OSBPL8: variants seen among roughly 807,000 people sequenced by gnomAD.
OSBPL8 encodes oxysterol binding protein like 8.
In OSBPL8, 59 loss-of-function variants were observed where a neutral mutation model predicts 125.5. That is an observed-to-expected ratio of 0.47 (90% CI 0.38 to 0.58). OSBPL8 has a LOEUF of 0.58. Ranked by LOEUF, OSBPL8 falls within the 20% of genes least tolerant of loss-of-function variation. The probability of loss-of-function intolerance (pLI) is 0.00; values close to 1 mark genes in which losing one functional copy is unlikely to be tolerated. For missense variants in OSBPL8, 758 were observed against 1,047.8 expected (o/e 0.72, Z 3.82); for synonymous variants, 330 against 338.9 (o/e 0.97, Z 0.29).
intron 1 of OSBPL8, among the ~76,000 whole-genome samples, chr12:76,487,975 G>A (rs1878332981): frequency 6.6e-6 from 1 of 152,162 alleles, no homozygotes; most frequent in Non-Finnish European, 1.5e-5. Context: ...AGAATGTGGG[G>A]AAACAGATAT....
At chr12:76,478,689 G>A (rs955990489) in intron 2 of OSBPL8, among the ~76,000 whole-genome samples, 1 of 151,622 alleles carries the variant, frequency 6.6e-6, no homozygotes, top group Non-Finnish European at 1.5e-5. Context: ...TCACACAATA[G>A]GTAATACTGA....
At chr12:76,362,502 CAAT>C (rs766514020) in intron 21 of OSBPL8, among the ~76,000 whole-genome samples, 3 of 152,144 alleles carry the variant, frequency 2.0e-5, no homozygotes, top group South Asian at 2.1e-4. Context: ...TAAAAACTCT[CAAT>C]AAAGTAGTTA....
At chr12:76,489,575 G>A (rs531009535) in intron 1 of OSBPL8, among the ~76,000 whole-genome samples, 3 of 152,272 alleles carry the variant, frequency 2.0e-5, no homozygotes, top group African/African-American at 4.8e-5. Flanking sequence ...TTTACAGCAT[G>A]GTTTACTAAA....
chr12:76,509,350 T>C (rs1455178164), intron 1 of OSBPL8, among the ~76,000 whole-genome samples: 1 of 152,204 alleles, frequency 6.6e-6, no homozygotes, highest in East Asian at 1.9e-4. Flanking sequence ...ATGCCTGTTG[T>C]TAAGTGACCC....
At chr12:76,373,284 G>GAT in intron 18 of OSBPL8, 60 bp downstream of exon 18, 1 of 797,540 alleles carries the variant, frequency 1.3e-6, no homozygotes, top group Non-Finnish European at 1.8e-6. Flanking sequence ...TTTTAAATGT[G>GAT]ATTTTTTTTT....
At chr12:76,372,100 G>A (rs553083666) in intron 18 of OSBPL8, among the ~76,000 whole-genome samples, 1 of 152,074 alleles carries the variant, frequency 6.6e-6, no homozygotes, top group African/African-American at 2.4e-5. Flanking sequence ...GAGTGCAGCG[G>A]TGCTATCTAC....
At chr12:76,428,193 T>C (rs886124325) in intron 4 of OSBPL8, among the ~76,000 whole-genome samples, 2 of 152,022 alleles carry the variant, frequency 1.3e-5, no homozygotes, top group Admixed American at 1.3e-4. Flanking sequence ...TAGTGGCTCT[T>C]TCCATTTGAA....
intron 1 of OSBPL8, among the ~76,000 whole-genome samples, chr12:76,527,409 T>C (rs909377339): frequency 5.3e-5 from 8 of 152,126 alleles, no homozygotes; most frequent in African/African-American, 1.4e-4. Flanking sequence ...TCAGTTCAAG[T>C]AGGAAACCAA....
Position 76,384,196 on chromosome 12 carries a change from G to T in OSBPL8, c.1630+58C>A, listed in dbSNP as rs145906805. On this transcript the variant is annotated intron_variant, in intron 15 of 23. Transcript: ENST00000261183. The stretch of plus-strand genomic sequence containing the variant: ...AGCCCATGACACTGCCTAAATAAAA[G>T]CTCACCAGAAAATAATACCTCCCAG... 4.2e-4 allele frequency: 426 copies of T among 1,013,450 alleles called. 2 individuals are homozygous for T. In the African/African-American group the frequency reaches 6.1e-3, roughly 14 times the overall value. The allele number at this position is 1,013,450 out of a possible 1,614,324, so 62.8% of individuals were successfully genotyped here.
intron 12 of OSBPL8, among the ~76,000 whole-genome samples, chr12:76,388,554 C>T (rs1490868875): frequency 2.6e-5 from 4 of 152,106 alleles, no homozygotes; most frequent in Non-Finnish European, 5.9e-5. Flanking sequence ...GATATTAGAA[C>T]GAGGATATAA....
At chr12:76,489,734 T>C (rs372258517) in intron 1 of OSBPL8, among the ~76,000 whole-genome samples, 2 of 152,260 alleles carry the variant, frequency 1.3e-5, no homozygotes, top group East Asian at 3.8e-4. Flanking sequence ...GCAACATCTA[T>C]TCTGCAGTCC....
At chr12:76,440,364 T>C (rs1362176814) in intron 4 of OSBPL8, among the ~76,000 whole-genome samples, 1 of 152,186 alleles carries the variant, frequency 6.6e-6, no homozygotes, top group African/African-American at 2.4e-5. Flanking sequence ...TTTAAGCTAC[T>C]CTTTCTTACA....
intron 1 of OSBPL8, among the ~76,000 whole-genome samples, chr12:76,542,483 G>C (rs1427394560): frequency 6.6e-6 from 1 of 152,174 alleles, no homozygotes; most frequent in African/African-American, 2.4e-5. Flanking sequence ...CAATCATCTG[G>C]AGGGCTTGCT....
intron 2 of OSBPL8, among the ~76,000 whole-genome samples, chr12:76,477,793 T>C (rs1876989370): frequency 6.6e-6 from 1 of 152,086 alleles, no homozygotes; most frequent in Non-Finnish European, 1.5e-5. Flanking sequence ...ACAACATATA[T>C]GGGAACTCTA....
At chr12:76,472,091 G>A (rs1223152087) in intron 2 of OSBPL8, among the ~76,000 whole-genome samples, 1 of 152,160 alleles carries the variant, frequency 6.6e-6, no homozygotes, top group African/African-American at 2.4e-5. Flanking sequence ...GAAAGAAAAT[G>A]TAATTCGATA....
chr12:76,520,478 C>T (rs1474960857), intron 1 of OSBPL8, among the ~76,000 whole-genome samples: 1 of 152,154 alleles, frequency 6.6e-6, no homozygotes. Context: ...TCAAAGTGTA[C>T]AACACACACA....
At chr12:76,537,559 G>A (rs951774217) in intron 1 of OSBPL8, among the ~76,000 whole-genome samples, 1 of 152,280 alleles carries the variant, frequency 6.6e-6, no homozygotes, top group Middle Eastern at 3.4e-3. Context: ...TTCTCTGAAT[G>A]AGAGAAATCT....
intron 4 of OSBPL8, among the ~76,000 whole-genome samples, chr12:76,423,898 T>A (rs1226912729): frequency 6.6e-6 from 1 of 152,202 alleles, no homozygotes; most frequent in African/African-American, 2.4e-5. Context: ...TATTATGCAT[T>A]CACTTCAACG....
At chr12:76,412,176 TAGAC>T (rs1268770969) in intron 4 of OSBPL8, among the ~76,000 whole-genome samples, 1 of 152,206 alleles carries the variant, frequency 6.6e-6, no homozygotes, top group East Asian at 1.9e-4. Context: ...TGTGGAAAAT[TAGAC>T]AGCAACAAAA....
Sources: gnomAD v4.1 joint callset for allele counts (sites outside exome capture counted in the v4.1 genomes callset) on GRCh38, gnomAD v4.1.1 for gene constraint, MANE v1.5 for transcripts, NCBI Gene and HGNC (gene_info 2026-07-23, HGNC 2026-07-21) for gene names.